TECTA: variants seen among roughly 807,000 people sequenced by gnomAD.
TECTA encodes alpha-tectorin.
TECTA carries 128 observed loss-of-function variants against 216.8 expected under a neutral mutation model. The observed-to-expected ratio is 0.59, with a 90% CI of 0.51 to 0.68. The LOEUF is 0.68. Among genes scored for constraint, TECTA ranks in the 30% least tolerant of loss-of-function variants. TECTA has a pLI of 0.00. For missense variants in TECTA, 2,551 were observed against 2,786.2 expected, an observed-to-expected ratio of 0.92 and a Z score of 1.90; for synonymous variants, 1,089 against 1,117.1, an observed-to-expected ratio of 0.97 and a Z score of 0.50.
chr11:121,154,965 T>C (rs2135117222), intron 13 of TECTA, among the ~76,000 whole-genome samples: 1 of 152,328 alleles, frequency 6.6e-6, no homozygotes, highest in African/African-American at 2.4e-5. Context: ...TGGCTGCTAT[T>C]AGTACTACAG....
intron 6 of TECTA, among the ~76,000 whole-genome samples, chr11:121,116,441 A>T (rs932170660): frequency 2.6e-5 from 4 of 152,240 alleles, no homozygotes; most frequent in Non-Finnish European, 4.4e-5. Context: ...GGTCCTGGGA[A>T]TGAAATGCTG....
intron 1 of TECTA, among the ~76,000 whole-genome samples, chr11:121,101,854 CAG>C (rs1946349639): frequency 6.6e-6 from 1 of 152,218 alleles, no homozygotes; most frequent in South Asian, 2.1e-4. Context: ...CGCAGCTTTG[CAG>C]AGTGACACAG....
At chr11:121,137,197 T>C (rs1565526559) in intron 10 of TECTA, among the ~76,000 whole-genome samples, 3 of 151,752 alleles carry the variant, frequency 2.0e-5, no homozygotes, top group Non-Finnish European at 4.4e-5. Context: ...CACTCATACG[T>C]ACACACACGC....
intron 10 of TECTA, among the ~76,000 whole-genome samples, chr11:121,132,445 C>T (rs763775440): frequency 3.3e-5 from 5 of 152,168 alleles, no homozygotes; most frequent in Non-Finnish European, 7.4e-5. Flanking sequence ...AGCCATTTCT[C>T]CAAGGATCTC....
At chr11:121,126,492 T>C (rs1337529709) in intron 8 of TECTA, among the ~76,000 whole-genome samples, 6 of 152,250 alleles carry the variant, frequency 3.9e-5, no homozygotes, top group African/African-American at 1.4e-4. Context: ...TTTAATTGTC[T>C]TAGTACTTTT....
chr11:121,177,951 C>T (rs1006121574), intron 20 of TECTA, among the ~76,000 whole-genome samples: 35 of 152,336 alleles, frequency 2.3e-4, no homozygotes, highest in Admixed American at 7.2e-4. Context: ...TACCAATCAG[C>T]GAGACTCTGT....
intron 7 of TECTA, among the ~76,000 whole-genome samples, chr11:121,122,520 GC>G (rs1279179418): frequency 2.6e-5 from 4 of 152,028 alleles, no homozygotes; most frequent in Non-Finnish European, 5.9e-5. Context: ...GGAGTGGGGT[GC>G]TGCTGTAATA....
chr11:121,109,154 A>G (rs1052051761), intron 3 of TECTA, 57 bp from the exon 4 acceptor site: 10 of 1,589,742 alleles, frequency 6.3e-6, no homozygotes, highest in Middle Eastern at 1.7e-4. Context: ...TTGGTTTGTG[A>G]CTCTGAAGTT....
rs1214562367 is a variant in TECTA, at chr11:121,190,826, T to A, written c.*20T>A. ...TCATAATTAACTCAAGGTTGCTATA[T>A]AAAGTACTGTAATTTACTTACTTCA... On this transcript the variant is annotated 3_prime_UTR_variant, in exon 24 of 24. Transcript: ENST00000392793. 7.1e-6 allele frequency: 11 copies of A among 1,559,770 alleles called. No homozygotes were observed. The highest frequency in any genetic ancestry group is 9.7e-6 in the Non-Finnish European group (11 of 1,134,166).
At chr11:121,146,910 T>G (rs922657779) in intron 12 of TECTA, among the ~76,000 whole-genome samples, 5 of 152,214 alleles carry the variant, frequency 3.3e-5, no homozygotes, top group African/African-American at 1.2e-4. Context: ...AAGGAGCAAC[T>G]GAGACTCAGA....
In TECTA at chr11:121,118,320, C is replaced by T. The variant is rs777704329; in HGVS notation, c.805C>T (p.Arg269Ter). 5.0e-6 allele frequency: 8 copies of T among 1,614,094 alleles called. No homozygotes were observed. Among genetic ancestry groups the T allele is most frequent in the East Asian group, 2.2e-5 (1 of 44,882 alleles). Residue 269 changes from arginine (R) to a stop codon, truncating the protein, a stop_gained, in exon 7 of 24, where the codon CGA becomes TGA. Coordinates refer to ENST00000392793, the MANE Select transcript of TECTA (RefSeq NM_005422.4). LOFTEE classifies it high-confidence loss of function. ...TTATTCCCCAGGACAATTCCTTCGG[C>T]GAGGGGAGGTGTTTTGGGATGACTT... The part of the protein sequence containing the change: ...GCTSRGQFLR[R>*]GEVFWDDLNC...
intron 10 of TECTA, among the ~76,000 whole-genome samples, chr11:121,136,977 G>A (rs1013265606): frequency 1.3e-5 from 2 of 152,192 alleles, no homozygotes; most frequent in African/African-American, 2.4e-5. Context: ...CTTCTATGTG[G>A]AAAGCTAGGT....
rs1213920032 is a variant in TECTA, at chr11:121,113,850, G to A, written c.790+132G>A. The A allele has an allele frequency of 1.8e-6, 2 of 1,099,228 alleles. No homozygotes were observed. The highest frequency in any genetic ancestry group is 5.1e-5 in the East Asian group (2 of 39,100). The allele number at this position is 1,099,228 out of a possible 1,614,324, so 68.1% of individuals were successfully genotyped here. On this transcript the variant is annotated intron_variant, in intron 6 of 23. Transcript: ENST00000392793. This position sits in a 1 kb window ranked among gnomAD's most constrained non-coding sequence, Gnocchi z 4.2. ...TGACATCTCTCCGCTGGGTAATGGAGATCAAGGTAATTTTAGCATGTGCAT... is the reference window on the plus strand; with the variant it reads ...TGACATCTCTCCGCTGGGTAATGGAAATCAAGGTAATTTTAGCATGTGCAT...
Position 121,107,134 on chromosome 11 carries a change from C to T in TECTA, c.198+1170C>T, listed in dbSNP as rs116288600. ...TGAAACGCCTTTTATACTCTATTCA[C>T]GGCAGGGCCTCCCTAGTCTGTCTTT... On this transcript the variant is annotated intron_variant, in intron 3 of 23. Coordinates refer to ENST00000392793, the MANE Select transcript of TECTA (RefSeq NM_005422.4). Among the ~76,000 whole-genome samples the T allele has an allele frequency of 5.3e-3, 811 of 152,332 alleles. 10 individuals carry two copies. Among genetic ancestry groups the T allele is most frequent in the African/African-American group, 0.018 (739 of 41,568 alleles).
At chr11:121,124,757 T>C (rs1946590923) in intron 7 of TECTA, among the ~76,000 whole-genome samples, 1 of 152,184 alleles carries the variant, frequency 6.6e-6, no homozygotes, top group African/African-American at 2.4e-5. Flanking sequence ...GACGTAGTTC[T>C]GATACAAGGA....
chr11:121,166,550 T>G, intron 17 of TECTA, 28 bp from the exon 18 acceptor site: 1 of 1,613,470 alleles, frequency 6.2e-7, no homozygotes, highest in African/African-American at 1.3e-5. Flanking sequence ...CTCCACTGAT[T>G]TGCCTTTCGT....
chr11:121,152,909 C>T lies in TECTA; in HGVS notation c.4134C>T (p.Tyr1378=), dbSNP rs139303865. 2.0e-5 allele frequency: 32 copies of T among 1,607,250 alleles called. No individual in the cohort carries two copies. The highest frequency in any genetic ancestry group is 2.5e-5 in the Non-Finnish European group (29 of 1,174,586). ...CTVTCPPNSH[Y]ESCVSVCQPR... is the part of the protein sequence containing the mutation. ...TCACCTGCCCTCCAAACAGCCATTA[C>T]GAGAGCTGCGTGAGTGTCTGCCAGC... Residue 1378 remains tyrosine, a synonymous_variant, in exon 13 of 24, where the codon TAC becomes TAT. Transcript: ENST00000392793.
intron 10 of TECTA, among the ~76,000 whole-genome samples, chr11:121,131,011 G>A (rs909463442): frequency 6.6e-5 from 10 of 150,428 alleles, no homozygotes; most frequent in Admixed American, 3.3e-4. Flanking sequence ...TCAGGAGATC[G>A]AGACCATCCT....
In TECTA at chr11:121,166,654, C is replaced by T. The variant is rs1947055984; in HGVS notation, c.5460C>T (p.Leu1820=). Residue 1820 remains leucine (L), a synonymous_variant, in exon 18 of 24, where the codon CTC becomes CTT. Transcript: ENST00000392793. The stretch of plus-strand genomic sequence containing the variant: ...AAGTGTCCATATCTAAGTGCAAGCT[C>T]TTCCAGCTCGGTTTTGAGAGGGAGG... ...QMEVSISKCK[L]FQLGFEREGV... 3.1e-6 allele frequency: 5 copies of T among 1,614,120 alleles called. No individual in the cohort carries two copies. The highest frequency in any genetic ancestry group is 4.2e-6 in the Non-Finnish European group (5 of 1,180,054).
Sources: gnomAD v4.1 joint callset for allele counts (sites outside exome capture counted in the v4.1 genomes callset) on GRCh38, gnomAD v4.1.1 for gene constraint, Gnocchi (gnomAD v3.1) non-coding constraint, MANE v1.5 for transcripts, NCBI Gene and HGNC (gene_info 2026-07-23, HGNC 2026-07-21) for gene names.